Variants in ZNF214 observed in about 807,000 individuals in gnomAD.
ZNF214 encodes the protein zinc finger protein 214, also known as BWSCR2-associated zinc finger protein 1.
A neutral mutation model predicts 53.9 loss-of-function variants in ZNF214; 43 were observed. The observed-to-expected ratio is 0.80, with a 90% CI of 0.63 to 1.03. The LOEUF (loss-of-function observed/expected upper bound fraction) is 1.03. ZNF214 is among the 50% of genes least tolerant of loss of function. The probability of loss-of-function intolerance (pLI) is 0.00; values close to 1 mark genes in which losing one functional copy is unlikely to be tolerated. For missense variants in ZNF214, 724 were observed against 719.1 expected (o/e 1.01, Z -0.08); for synonymous variants, 217 against 229.5 (o/e 0.95, Z 0.49).
Position 7,000,798 on chromosome 11 carries a change from T to G in ZNF214, c.885A>C (p.Arg295Ser), listed in dbSNP as rs1851320970. Reference protein sequence around the residue: ...HQSSGVHFHQRVHIGEVPYSC... With the variant: ...HQSSGVHFHQSVHIGEVPYSC... ...TATAAGGTACCTCCCCTATGTGAAC[T>G]CTCTGATGAAAGTGAACTCCGGAGC... The change falls in exon 3 of 3, where the codon AGA becomes AGC. Residue 295 changes from arginine (R) to serine (S), a missense_variant. By Grantham distance (110) the Arg-to-Ser change is moderately radical (BLOSUM62 -1). Coordinates refer to ENST00000278314, the MANE Select transcript of ZNF214 (RefSeq NM_013249.4). 4.3e-6 allele frequency: 7 copies of G among 1,610,928 alleles called. No individual in the cohort carries two copies. The highest frequency in any genetic ancestry group is 5.9e-6 in the Non-Finnish European group (7 of 1,179,212).
Position 7,001,299 on chromosome 11 carries a change from G to A in ZNF214, c.384C>T (p.Leu128=), listed in dbSNP as rs1022154676. 2.5e-6 allele frequency: 4 copies of A among 1,613,194 alleles called. No homozygotes were observed. The highest frequency in any genetic ancestry group is 3.4e-6 in the Non-Finnish European group (4 of 1,179,466). The change falls in exon 3 of 3, where the codon CTC becomes CTT. Residue 128 remains leucine (L), a synonymous_variant. Coordinates refer to ENST00000278314, the MANE Select transcript of ZNF214 (RefSeq NM_013249.4). The part of the protein sequence containing the change: ...NYELTFESKS[L]RNLKYKNFMP... ...TAAAATTTTTATATTTTAAGTTCCT[G>A]AGACTTTTGCTTTCAAAAGTCAGTT...
At chr11:7,013,712 C>T (rs1851672836) in intron 1 of ZNF214, among the ~76,000 whole-genome samples, 2 of 152,166 alleles carry the variant, frequency 1.3e-5, no homozygotes, top group Non-Finnish European at 2.9e-5. Context: ...CGGACTTTGT[C>T]ACCCCCACGA....
rs147511108 is a variant in ZNF214, at chr11:7,018,871, C to A, written c.-21+1202G>T. On this transcript the variant is annotated intron_variant, in intron 1 of 2. Transcript: ENST00000278314. Reference sequence around the variant, plus strand: ...TGAATTATACACTAGACTTGAGTGACTGAATGAATGAATGAGTAAATGTTG... The same window carrying A: ...TGAATTATACACTAGACTTGAGTGAATGAATGAATGAATGAGTAAATGTTG... 1.3e-3 allele frequency among the ~76,000 whole-genome samples: 199 copies of A among 152,200 alleles called. 3 individuals are homozygous for A. Among genetic ancestry groups the A allele is most frequent in the Non-Finnish European group, 2.2e-3 (149 of 68,002 alleles).
chr11:7,002,921 G>A, intron 1 of ZNF214, 66 bp from the exon 2 acceptor site: 4 of 1,426,180 alleles, frequency 2.8e-6, no homozygotes, highest in East Asian at 2.6e-5. Flanking sequence ...TAAGATATGT[G>A]GCAAGCCGAA....
chr11:7,002,903 T>C lies in ZNF214; in HGVS notation c.-20-48A>G, dbSNP rs117399987. 374 of 1,490,854 alleles carry C rather than the reference T, an allele frequency of 2.5e-4. 3 individuals are homozygous for C. The East Asian group carries it at 8.9e-3, about 36-fold the overall frequency. 92.4% of individuals were successfully genotyped at this position (1,490,854 alleles called of 1,614,324 possible). A position where few individuals can be genotyped will look rare whatever the true frequency, so the allele number is the denominator to read the frequency against. ...AGAAGATGGACAAAGATAAAGACAT[T>C]TAGCAGATAAGATATGTGGCAAGCC... On this transcript the variant is annotated intron_variant, in intron 1 of 2. Coordinates refer to ENST00000278314, the MANE Select transcript of ZNF214 (RefSeq NM_013249.4).
chr11:7,007,859 A>C lies in ZNF214; in HGVS notation c.-20-5004T>G, dbSNP rs115160018. 2.3e-3 allele frequency among the ~76,000 whole-genome samples: 221 copies of C among 97,934 alleles called. 2 individuals are homozygous for C. The highest frequency in any genetic ancestry group is 6.5e-3 in the African/African-American group (217 of 33,528). The allele number at this position is 97,934 out of a possible 152,430, so 64.2% of individuals were successfully genotyped here. ...AGTACTATAAGATAGACCATGTATT[A>C]GTCCATAAAAGAAATCATGATAAAT... On this transcript the variant is annotated intron_variant, in intron 1 of 2. Transcript: ENST00000278314.
At position 6,997,110 on chromosome 11, in the gene ZNF214, T is replaced by C. The variant is rs1481264733; in HGVS notation, c.*2752A>G. Among the ~76,000 whole-genome samples the C allele has an allele frequency of 6.6e-6, 1 of 151,938 alleles. No homozygotes were observed. The highest frequency in any genetic ancestry group is 1.5e-5 in the Non-Finnish European group (1 of 67,864). ...CTCTTTTATATTTCCCCGTTTTTTA[T>C]TATTTTCATTCTGCATTTTTGTAAA... On this transcript the variant is annotated 3_prime_UTR_variant, in exon 3 of 3. Coordinates refer to ENST00000278314, the MANE Select transcript of ZNF214 (RefSeq NM_013249.4).
chr11:7,014,835 A>AT (rs1851720886), intron 1 of ZNF214, among the ~76,000 whole-genome samples: 1 of 148,172 alleles, frequency 6.7e-6, no homozygotes, highest in African/African-American at 2.5e-5. Context: ...AAAAAACACT[A>AT]CCCAGGAGGT....
intron 1 of ZNF214, among the ~76,000 whole-genome samples, chr11:7,017,370 T>C (rs905950745): frequency 1.3e-5 from 2 of 152,206 alleles, no homozygotes; most frequent in Non-Finnish European, 2.9e-5. Context: ...TCTCAGAGTA[T>C]ATCTTGAGAA....
At position 7,000,883 on chromosome 11, in the gene ZNF214, C is replaced by G. The variant is rs1287209693; in HGVS notation, c.800G>C (p.Arg267Thr). ...SQRSDLYRHPRNHIGKKLYGC... is the reference protein window; with the variant it reads ...SQRSDLYRHPTNHIGKKLYGC... Reference sequence around the variant, plus strand: ...GTACAGCTTCTTACCTATGTGGTTTCTTGGATGTCTATACAAGTCTGATCT... The same window carrying G: ...GTACAGCTTCTTACCTATGTGGTTTGTTGGATGTCTATACAAGTCTGATCT... The change falls in exon 3 of 3, where the codon AGA (arginine) becomes ACA (threonine). Residue 267 changes from arginine (R) to threonine (T), a missense_variant. Transcript: ENST00000278314. The G allele has an allele frequency of 1.9e-6, 3 of 1,613,120 alleles. No individual in the cohort carries two copies. The highest frequency in any genetic ancestry group is 1.7e-4 in the Middle Eastern group (1 of 6,056).
intron 1 of ZNF214, among the ~76,000 whole-genome samples, chr11:7,014,165 A>AT (rs2119454592): frequency 6.6e-6 from 1 of 152,350 alleles, no homozygotes; most frequent in African/African-American, 2.4e-5. Flanking sequence ...AGAGGATATG[A>AT]CTGCATATCT....
At chr11:7,002,944 GAACTT>G in intron 1 of ZNF214, 89 bp from the exon 2 acceptor site, 3 of 1,315,404 alleles carry the variant, frequency 2.3e-6, no homozygotes, top group Non-Finnish European at 3.0e-6. Context: ...GAAAAAACAA[GAACTT>G]CAGTAAAGGA....
intron 1 of ZNF214, among the ~76,000 whole-genome samples, chr11:7,016,821 T>A (rs1275145034): frequency 6.6e-6 from 1 of 152,092 alleles, no homozygotes; most frequent in African/African-American, 2.4e-5. Flanking sequence ...AATTAAATGT[T>A]TAAAATAACA....
At chr11:7,020,022 C>T (rs1302707652) in intron 1 of ZNF214, 51 bp downstream of exon 1, 1 of 152,466 alleles carries the variant, frequency 6.6e-6, no homozygotes, top group South Asian at 2.1e-4. Flanking sequence ...GCACCGAACA[C>T]CGGGCACCCA....
At chr11:7,016,850 A>G (rs1422600711) in intron 1 of ZNF214, among the ~76,000 whole-genome samples, 2 of 152,210 alleles carry the variant, frequency 1.3e-5, no homozygotes, top group African/African-American at 2.4e-5. Context: ...AAACAGGAAA[A>G]TGAAAGCAAT....
chr11:7,013,488 T>C (rs921297912), intron 1 of ZNF214, among the ~76,000 whole-genome samples: 2 of 152,232 alleles, frequency 1.3e-5, no homozygotes, highest in East Asian at 3.8e-4. Context: ...TCCATATAAA[T>C]GCTAAACTAT....
At chr11:7,017,504 AGGTGGGCAGATTG>A (rs559038045) in intron 1 of ZNF214, among the ~76,000 whole-genome samples, 14 of 152,290 alleles carry the variant, frequency 9.2e-5, no homozygotes, top group African/African-American at 3.4e-4. Context: ...TGGGAGTCCA[AGGTGGGCAGATTG>A]CCTGAGCTCA....
intron 1 of ZNF214, among the ~76,000 whole-genome samples, chr11:7,014,881 T>C (rs551099693): frequency 1.3e-5 from 2 of 150,056 alleles, no homozygotes; most frequent in African/African-American, 4.9e-5. Flanking sequence ...GCTACTGGAC[T>C]CCAGGCTGGG....
In ZNF214 at chr11:7,001,384, C is replaced by T. The variant is rs761761738; in HGVS notation, c.299G>A (p.Arg100His). The T allele has an allele frequency of 5.4e-5, 87 of 1,613,102 alleles. No homozygotes were observed. The highest frequency in any genetic ancestry group is 6.4e-5 in the Non-Finnish European group (76 of 1,179,406). Reference protein sequence around the residue: ...TDSKDLTQQDRSQCQEWLILS... With the variant: ...TDSKDLTQQDHSQCQEWLILS... ...TATTAACCATTCCTGACACTGGGAACGATCTTGCTGTGTGAGGTCTTTGGA... is the reference window on the plus strand; with the variant it reads ...TATTAACCATTCCTGACACTGGGAATGATCTTGCTGTGTGAGGTCTTTGGA... The change falls in exon 3 of 3, where the codon CGT becomes CAT. Residue 100 changes from arginine to histidine, a missense_variant. Transcript: ENST00000278314.
Sources: allele counts gnomAD v4.1 joint callset (sites outside exome capture counted in the v4.1 genomes callset), GRCh38; gene constraint gnomAD v4.1.1; transcripts MANE v1.5; gene names NCBI Gene and HGNC (gene_info 2026-07-23, HGNC 2026-07-21).